BNC2: variants seen among roughly 807,000 people sequenced by gnomAD.
The protein encoded by BNC2 is basonuclin zinc finger protein 2.
In BNC2, 20 loss-of-function variants were observed where a neutral mutation model predicts 76.3. That is an observed-to-expected ratio of 0.26 (90% CI 0.18 to 0.38). The LOEUF (loss-of-function observed/expected upper bound fraction) is 0.38, where lower values mean the gene tolerates loss of function less well. Ranked by LOEUF, BNC2 falls within the 10% of genes least tolerant of loss-of-function variation. The probability of loss-of-function intolerance (pLI) is 1.00; values close to 1 mark genes in which losing one functional copy is unlikely to be tolerated. For synonymous variants in BNC2, 582 were observed against 514.8 expected (o/e 1.13, Z -1.77); for missense variants, 1,382 against 1,399.8 (o/e 0.99, Z 0.20).
chr9:16,658,640 G>A (rs982905149), intron 3 of BNC2, among the ~76,000 whole-genome samples: 54 of 152,206 alleles, frequency 3.5e-4, no homozygotes, highest in African/African-American at 1.2e-3. Context: ...AAAGATCATA[G>A]GTCTTATAAG....
At chr9:16,712,491 T>C (rs1039473863) in intron 3 of BNC2, among the ~76,000 whole-genome samples, 1 of 152,160 alleles carries the variant, frequency 6.6e-6, no homozygotes. Context: ...AAAATGTAAA[T>C]AAAACTGTTT....
intron 3 of BNC2, among the ~76,000 whole-genome samples, chr9:16,599,614 T>C (rs1352870955): frequency 6.6e-6 from 1 of 152,072 alleles, no homozygotes; most frequent in African/African-American, 2.4e-5. Flanking sequence ...TGAAACCCCA[T>C]CTCTATTAAA....
chr9:16,676,214 T>C (rs1160079043), intron 3 of BNC2, among the ~76,000 whole-genome samples: 1 of 152,206 alleles, frequency 6.6e-6, no homozygotes, highest in Non-Finnish European at 1.5e-5. Flanking sequence ...GAATGTGTGC[T>C]CTTAAATTAT....
intron 1 of BNC2, among the ~76,000 whole-genome samples, chr9:16,837,376 C>T (rs559001555): frequency 5.3e-5 from 8 of 152,152 alleles, no homozygotes; most frequent in South Asian, 2.1e-4. Flanking sequence ...TGGTGGCAGG[C>T]GCCTGTAATC....
At chr9:16,742,308 G>C (rs1659722637) in intron 1 of BNC2, among the ~76,000 whole-genome samples, 2 of 152,192 alleles carry the variant, frequency 1.3e-5, no homozygotes, top group Non-Finnish European at 2.9e-5. Context: ...ATAAGACAAA[G>C]CTGAAGAGAG....
intron 3 of BNC2, among the ~76,000 whole-genome samples, chr9:16,681,731 A>T (rs1822827083): frequency 6.6e-6 from 1 of 152,222 alleles, no homozygotes; most frequent in Non-Finnish European, 1.5e-5. Context: ...GACTTGTTAA[A>T]GCTGCAGTGT....
intron 5 of BNC2, among the ~76,000 whole-genome samples, chr9:16,530,291 T>C (rs2132216925): frequency 6.6e-6 from 1 of 152,280 alleles, no homozygotes; most frequent in East Asian, 1.9e-4. Flanking sequence ...TCCCTGAATA[T>C]AGCTTCATCT....
chr9:16,729,258 G>C (rs559159093), intron 2 of BNC2, among the ~76,000 whole-genome samples: 1 of 152,334 alleles, frequency 6.6e-6, no homozygotes, highest in East Asian at 1.9e-4. Context: ...TCTCATAAAA[G>C]TAGTCAGCAG....
In BNC2 at chr9:16,800,741, C is replaced by G. The variant is rs925843144; in HGVS notation, c.4-62256G>C. Among the ~76,000 whole-genome samples the G allele has an allele frequency of 3.9e-5, 6 of 152,022 alleles. No homozygotes were observed. The South Asian group carries it at 1.2e-3, about 32-fold the overall frequency. Reference sequence around the variant, plus strand: ...CTAGTGATTTTAAATGCCCTGTGACCCTCTGAGGCACTGCCAACATCAACA... The same window carrying G: ...CTAGTGATTTTAAATGCCCTGTGACGCTCTGAGGCACTGCCAACATCAACA... On this transcript the variant is annotated intron_variant, in intron 1 of 6. Coordinates refer to ENST00000380672, the MANE Select transcript of BNC2 (RefSeq NM_017637.6).
At chr9:16,721,605 G>A (rs759421330) in intron 3 of BNC2, among the ~76,000 whole-genome samples, 3 of 152,068 alleles carry the variant, frequency 2.0e-5, no homozygotes, top group Non-Finnish European at 4.4e-5. Context: ...AGGTACAAGA[G>A]GATTTTCAAA....
intron 5 of BNC2, among the ~76,000 whole-genome samples, chr9:16,484,479 C>CA (rs1822120133): frequency 1.3e-5 from 2 of 152,192 alleles, no homozygotes; most frequent in South Asian, 2.1e-4. Flanking sequence ...GCCAGCATAA[C>CA]AGAGTTGTAA....
chr9:16,565,028 T>C (rs1319222250), intron 4 of BNC2, among the ~76,000 whole-genome samples: 1 of 152,224 alleles, frequency 6.6e-6, no homozygotes, highest in African/African-American at 2.4e-5. Flanking sequence ...CAATTTCTTC[T>C]TTCTAGTCTA....
At chr9:16,669,178 T>C (rs1476909179) in intron 3 of BNC2, among the ~76,000 whole-genome samples, 4 of 152,230 alleles carry the variant, frequency 2.6e-5, no homozygotes, top group Admixed American at 1.3e-4. Context: ...TTGTACGTAT[T>C]GATTGGAGCC....
intron 1 of BNC2, among the ~76,000 whole-genome samples, chr9:16,758,849 C>A (rs1041508633): frequency 4.6e-5 from 7 of 152,090 alleles, no homozygotes; most frequent in African/African-American, 1.7e-4. Flanking sequence ...TTATCACAAT[C>A]AAAAATCTTT....
At chr9:16,677,738 G>A (rs1429335993) in intron 3 of BNC2, among the ~76,000 whole-genome samples, 1 of 152,126 alleles carries the variant, frequency 6.6e-6, no homozygotes, top group Non-Finnish European at 1.5e-5. Flanking sequence ...GTAACCCAGA[G>A]CTGCAAACTT....
At position 16,412,764 on chromosome 9, in the gene BNC2, A is replaced by AGAGACT. The variant is rs1563770075; in HGVS notation, c.*6224_*6225insAGTCTC. The AGAGACT allele has an allele frequency of 8.6e-6, 1 of 115,944 alleles. No individual in the cohort carries two copies. The highest frequency in any genetic ancestry group is 2.9e-4 in the South Asian group (1 of 3,492). 7.2% of individuals were successfully genotyped at this position (115,944 alleles called of 1,614,324 possible). ...GAGAGAGAGAGAGAGAGAGAGAGAG[A>AGAGACT]GACTGACTGATTGTGGATGTGTGTG... On this transcript the variant is annotated 3_prime_UTR_variant, in exon 7 of 7. Transcript: ENST00000380672.
chr9:16,774,149 T>A (rs1825901626), intron 1 of BNC2, among the ~76,000 whole-genome samples: 1 of 152,026 alleles, frequency 6.6e-6, no homozygotes, highest in Admixed American at 6.6e-5. Context: ...ACCCAGCTAA[T>A]TTTTTTATTT....
intron 1 of BNC2, among the ~76,000 whole-genome samples, chr9:16,765,936 G>A (rs7847203): frequency 0.044 from 6,649 of 151,966 alleles, 361 homozygotes; most frequent in East Asian, 0.12. Context: ...ACAGGCGCTC[G>A]CCACCACGCC....
At chr9:16,822,250 C>G (rs1446874695) in intron 1 of BNC2, among the ~76,000 whole-genome samples, 1 of 152,044 alleles carries the variant, frequency 6.6e-6, no homozygotes, top group African/African-American at 2.4e-5. Flanking sequence ...GTATTGTACC[C>G]TCCTCTACTA....
Sources: gnomAD v4.1 joint callset for allele counts (sites outside exome capture counted in the v4.1 genomes callset) on GRCh38, gnomAD v4.1.1 for gene constraint, MANE v1.5 for transcripts, NCBI Gene and HGNC (gene_info 2026-07-23, HGNC 2026-07-21) for gene names.